Variants in FRMPD4 observed in about 807,000 individuals in gnomAD.
FRMPD4 encodes the protein FERM and PDZ domain-containing protein 4.
A neutral mutation model predicts 94.1 loss-of-function variants in FRMPD4; 22 were observed. The ratio of observed to expected loss-of-function variants is 0.23; its 90% confidence interval spans 0.17 to 0.33. The LOEUF (loss-of-function observed/expected upper bound fraction) is 0.33. Ranked by LOEUF, FRMPD4 falls within the 10% of genes least tolerant of loss-of-function variation. FRMPD4 has a pLI of 1.00. For missense variants in FRMPD4, 1,111 were observed against 1,339.9 expected (o/e 0.83, Z 2.67); for synonymous variants, 631 against 548.6 (o/e 1.15, Z -2.10).
chrX:12,617,230 T>A (rs2059244574), intron 4 of FRMPD4, among the ~76,000 whole-genome samples: 3 of 112,444 alleles, frequency 2.7e-5, no homozygotes, highest in South Asian at 7.4e-4. Context: ...TAGGTTTTTT[T>A]ATACGATTTT....
intron 1 of FRMPD4, among the ~76,000 whole-genome samples, chrX:12,254,597 G>C: frequency 1.8e-5 from 2 of 112,061 alleles, no homozygotes; most frequent in Middle Eastern, 4.6e-3. Context: ...CATTGAATTT[G>C]TTCACTAGAC....
At chrX:12,677,198 C>T (rs1385411591) in intron 5 of FRMPD4, among the ~76,000 whole-genome samples, 1 of 110,783 alleles carries the variant, frequency 9.0e-6, no homozygotes, top group African/African-American at 3.3e-5. Flanking sequence ...CAAGTTGTGA[C>T]AAACCAAAAT....
rs187744905 is a variant in FRMPD4 at position 12,245,314 on chromosome X, T to A, written c.41+106302T>A. On this transcript the variant is annotated intron_variant, in intron 1 of 16. Transcript: ENST00000675598. ...AAGGGGAAAACAGTGGGTTGGGATT[T>A]TTTTCTCACAAAGGAACTATATTTG... Among the ~76,000 whole-genome samples the A allele has an allele frequency of 4.5e-5, 5 of 111,371 alleles. No homozygotes were observed. In the East Asian group the frequency reaches 1.4e-3, roughly 32 times the overall value.
At chrX:12,535,788 T>C (rs779427081) in intron 2 of FRMPD4, among the ~76,000 whole-genome samples, 5 of 111,452 alleles carry the variant, frequency 4.5e-5, no homozygotes, top group Non-Finnish European at 7.5e-5. Context: ...GGTTACAACA[T>C]AGACCATACC....
chrX:11,967,723 T>A (rs1264164301), intron 3 of FRMPD4, among the ~76,000 whole-genome samples: 5 of 106,955 alleles, frequency 4.7e-5, no homozygotes, highest in Admixed American at 2.0e-4. Flanking sequence ...AAGAGGATGA[T>A]TTCTAGGCAG....
intron 3 of FRMPD4, among the ~76,000 whole-genome samples, chrX:12,049,724 A>G (rs750586665): frequency 8.9e-5 from 10 of 111,844 alleles, no homozygotes; most frequent in East Asian, 5.6e-4. Context: ...AGGCATTGTT[A>G]TCATAGAAGA....
At chrX:12,688,108 T>A (rs971391702) in intron 7 of FRMPD4, among the ~76,000 whole-genome samples, 1 of 112,058 alleles carries the variant, frequency 8.9e-6, no homozygotes, top group Non-Finnish European at 1.9e-5. Flanking sequence ...TACTTCACAG[T>A]CAATATGTGA....
intron 3 of FRMPD4, among the ~76,000 whole-genome samples, chrX:12,107,406 C>T (rs1263854175): frequency 2.7e-5 from 3 of 111,736 alleles, no homozygotes; most frequent in Non-Finnish European, 5.6e-5. Context: ...TGTACGTCAC[C>T]ATCATCAAAG....
At position 12,173,207 on chromosome X, in the gene FRMPD4, C is replaced by T. The variant is rs192004322; in HGVS notation, c.41+34195C>T. Reference sequence around the variant, plus strand: ...CTTAAGTGACTTCTGCTTAAAATAGCTATGGTTGTATGAGGCAGGTAATTG... The same window carrying T: ...CTTAAGTGACTTCTGCTTAAAATAGTTATGGTTGTATGAGGCAGGTAATTG... On this transcript the variant is annotated intron_variant, in intron 1 of 16. Coordinates refer to ENST00000675598, the MANE Select transcript of FRMPD4 (RefSeq NM_001368397.1). Among the ~76,000 whole-genome samples the T allele has an allele frequency of 2.0e-4, 23 of 112,617 alleles. No individual in the cohort carries two copies. In the East Asian group the frequency reaches 6.4e-3, roughly 31 times the overall value.
chrX:12,668,361 T>A (rs1480846359), intron 4 of FRMPD4, among the ~76,000 whole-genome samples: 1 of 111,447 alleles, frequency 9.0e-6, no homozygotes, highest in Non-Finnish European at 1.9e-5. Context: ...ATTGGAATAT[T>A]TTATTTCAAT....
chrX:12,256,829 G>A (rs58380248), intron 1 of FRMPD4, among the ~76,000 whole-genome samples: 2,734 of 111,835 alleles, frequency 0.024, 84 homozygotes, highest in African/African-American at 0.084. Flanking sequence ...CTACACACTT[G>A]TAACTCATTC....
intron 2 of FRMPD4, among the ~76,000 whole-genome samples, chrX:12,522,192 G>A (rs1358551197): frequency 1.8e-5 from 2 of 110,789 alleles, no homozygotes; most frequent in Admixed American, 9.6e-5. Context: ...GGGCCATTTT[G>A]TCCCAGCCAG....
chrX:12,001,398 C>T (rs2054523766), intron 3 of FRMPD4, among the ~76,000 whole-genome samples: 1 of 112,161 alleles, frequency 8.9e-6, no homozygotes, highest in Admixed American at 9.4e-5. Context: ...CACTCAGAAC[C>T]TTAATCGAAA....
At position 12,554,225 on chromosome X, in the gene FRMPD4, T is replaced by G. The variant is rs377591623; in HGVS notation, c.158+55429T>G. On this transcript the variant is annotated intron_variant, in intron 2 of 16. Transcript: ENST00000675598. ...TTTTATATAGACTATTGTTTATATA[T>G]AAACATAATTTCATTATCTAGCACC... Among the ~76,000 whole-genome samples, 6 of 112,483 alleles carry G rather than the reference T, an allele frequency of 5.3e-5. No individual in the cohort carries two copies. The East Asian group carries it at 1.7e-3, about 31-fold the overall frequency.
chrX:12,123,123 C>CTTTTTTTTTTTTT (rs58251577), intron 3 of FRMPD4, among the ~76,000 whole-genome samples: 2 of 84,328 alleles, frequency 2.4e-5, no homozygotes, highest in Non-Finnish European at 2.3e-5. Flanking sequence ...ATTTTCTTTT[C>CTTTTTTTTTTTTT]TTTTTTTTTT....
At chrX:12,420,453 C>T (rs982883007) in intron 1 of FRMPD4, among the ~76,000 whole-genome samples, 4 of 111,903 alleles carry the variant, frequency 3.6e-5, no homozygotes, top group African/African-American at 9.8e-5. Context: ...GGCCCTGAAA[C>T]ACTTGTCCCC....
At chrX:12,645,347 C>CTTTTTTTTTT (rs138817056) in intron 4 of FRMPD4, among the ~76,000 whole-genome samples, 4 of 55,642 alleles carry the variant, frequency 7.2e-5, no homozygotes, top group African/African-American at 1.7e-4. Context: ...CACTCTCACT[C>CTTTTTTTTTT]TTTTTTTTTT....
chrX:12,328,010 C>T (rs2055314871), intron 1 of FRMPD4, among the ~76,000 whole-genome samples: 1 of 111,198 alleles, frequency 9.0e-6, no homozygotes, highest in Non-Finnish European at 1.9e-5. Flanking sequence ...CTTGCTTTGG[C>T]CAATGGAATG....
chrX:11,918,368 G>GTCCACCCA (rs2054037040), intron 3 of FRMPD4, among the ~76,000 whole-genome samples: 1 of 112,487 alleles, frequency 8.9e-6, no homozygotes, highest in African/African-American at 3.2e-5. Flanking sequence ...ACTTTGGGAG[G>GTCCACCCA]CCAAGGCGGG....
Sources: gnomAD v4.1 joint callset for allele counts (sites outside exome capture counted in the v4.1 genomes callset) on GRCh38, gnomAD v4.1.1 for gene constraint, MANE v1.5 for transcripts, NCBI Gene and HGNC (gene_info 2026-07-23, HGNC 2026-07-21) for gene names.